MED12L: variants seen among roughly 807,000 people sequenced by gnomAD.
The protein encoded by MED12L is mediator of RNA polymerase II transcription subunit 12-like protein.
Under a neutral mutation model 281.3 loss-of-function variants are expected in MED12L, and 60 were observed. That is an observed-to-expected ratio of 0.21 (90% CI 0.17 to 0.26). The LOEUF is 0.26. Among genes scored for constraint, MED12L ranks in the 10% least tolerant of loss-of-function variants. The pLI is 1.00. For synonymous variants in MED12L, 974 were observed against 987.2 expected (o/e 0.99, Z 0.25); for missense variants, 2,146 against 2,680.9 (o/e 0.80, Z 4.41).
intron 16 of MED12L, among the ~76,000 whole-genome samples, chr3:151,284,420 G>A (rs1446645908): frequency 2.0e-5 from 3 of 152,058 alleles, no homozygotes; most frequent in Non-Finnish European, 2.9e-5. Flanking sequence ...GGTTATCTTG[G>A]TAATTTAATT....
At chr3:151,261,999 T>G (rs1022662098) in intron 16 of MED12L, among the ~76,000 whole-genome samples, 1 of 152,196 alleles carries the variant, frequency 6.6e-6, no homozygotes, top group Admixed American at 6.5e-5. Context: ...TGTGCTAAGA[T>G]TACAGGTATG....
intron 36 of MED12L, among the ~76,000 whole-genome samples, chr3:151,387,518 T>C (rs1017573670): frequency 2.0e-5 from 3 of 152,168 alleles, no homozygotes; most frequent in African/African-American, 7.2e-5. Context: ...ATTTTTAGAA[T>C]TTTTTTAGCA....
chr3:151,338,080 G>A (rs1392419754), intron 16 of MED12L: 3 of 1,613,774 alleles, frequency 1.9e-6, no homozygotes, highest in East Asian at 2.2e-5. Flanking sequence ...TAAGGAATTC[G>A]GGCAAAATGG....
intron 16 of MED12L, among the ~76,000 whole-genome samples, chr3:151,331,449 A>G (rs1750342956): frequency 6.6e-6 from 1 of 152,226 alleles, no homozygotes; most frequent in Non-Finnish European, 1.5e-5. Flanking sequence ...CAATAAAAAT[A>G]AATAATAGTA....
At chr3:151,251,069 C>T (rs1736756389) in intron 16 of MED12L, among the ~76,000 whole-genome samples, 2 of 152,180 alleles carry the variant, frequency 1.3e-5, no homozygotes, top group African/African-American at 2.4e-5. Flanking sequence ...TGACACTGTT[C>T]CCTCCATGAT....
Position 151,380,194 on chromosome 3 carries a change from C to T in MED12L, c.4560C>T (p.Leu1520=). 1.2e-6 allele frequency: 2 copies of T among 1,608,564 alleles called. No individual in the cohort carries two copies. Among genetic ancestry groups the T allele is most frequent in the Non-Finnish European group, 1.7e-6 (2 of 1,177,566 alleles). The stretch of plus-strand genomic sequence containing the variant: ...GACAAGATGAACAAAGGGAAGGCCT[C>T]CTAACATCTCTCCAGAATCAAGTTA... ...LKGQDEQREG[L]LTSLQNQVNQ... is the part of the protein sequence containing the mutation. The change falls in exon 32 of 45, where the codon CTC becomes CTT. Residue 1520 remains leucine (L), a synonymous_variant. Transcript: ENST00000687756.
intron 4 of MED12L, among the ~76,000 whole-genome samples, chr3:151,124,594 T>C (rs1285719819): frequency 6.6e-6 from 1 of 152,232 alleles, no homozygotes; most frequent in East Asian, 1.9e-4. Context: ...TTGGTATTCA[T>C]CTGTGCGATG....
intron 7 of MED12L, among the ~76,000 whole-genome samples, chr3:151,159,561 G>T (rs1443378214): frequency 6.6e-6 from 1 of 152,138 alleles, no homozygotes; most frequent in Non-Finnish European, 1.5e-5. Flanking sequence ...TACTTTTTAT[G>T]TTGATTACCT....
intron 37 of MED12L, among the ~76,000 whole-genome samples, chr3:151,388,797 T>A (rs1184519901): frequency 6.6e-6 from 1 of 152,248 alleles, no homozygotes; most frequent in Non-Finnish European, 1.5e-5. Flanking sequence ...ACAACAGAAA[T>A]CTATTTGATG....
chr3:151,246,403 G>A (rs1034834215), intron 16 of MED12L, among the ~76,000 whole-genome samples: 12 of 151,858 alleles, frequency 7.9e-5, no homozygotes, highest in African/African-American at 2.4e-4. Context: ...AAACAGCATG[G>A]TACTGGTACC....
At chr3:151,254,011 TGTTAA>T (rs1737336311) in intron 16 of MED12L, among the ~76,000 whole-genome samples, 1 of 151,264 alleles carries the variant, frequency 6.6e-6, no homozygotes, top group Admixed American at 6.6e-5. Flanking sequence ...TTTTTTTTTT[TGTTAA>T]TTTAAACTTT....
chr3:151,234,861 G>A (rs887737093), intron 16 of MED12L, among the ~76,000 whole-genome samples: 7 of 152,220 alleles, frequency 4.6e-5, no homozygotes, highest in Admixed American at 2.6e-4. Flanking sequence ...CTCCTGGTGG[G>A]TAGCAGAAGC....
rs538935284 is a variant in MED12L at position 151,221,137 on chromosome 3, C to T, written c.2250+27471C>T. The stretch of plus-strand genomic sequence containing the variant: ...GCATTTTGCCCCTACCCTAGAGATT[C>T]GTGGAACTTTGAACTTGAGGGAGAT... On this transcript the variant is annotated intron_variant, in intron 16 of 44. Coordinates refer to ENST00000687756, the MANE Select transcript of MED12L (RefSeq NM_001393769.1). Among the ~76,000 whole-genome samples the T allele has an allele frequency of 2.6e-5, 4 of 152,182 alleles. No individual in the cohort carries two copies. In the South Asian group the frequency reaches 6.2e-4, roughly 24 times the overall value.
At chr3:151,188,031 G>A (rs1175999686) in intron 12 of MED12L, 1 of 166,604 alleles carries the variant, frequency 6.0e-6, no homozygotes, top group Non-Finnish European at 1.3e-5. Flanking sequence ...GTTTTTCAGG[G>A]GTGTTTTTGA....
At chr3:151,091,375 G>A (rs982861356) in intron 2 of MED12L, among the ~76,000 whole-genome samples, 1 of 152,140 alleles carries the variant, frequency 6.6e-6, no homozygotes, top group African/African-American at 2.4e-5. Context: ...CAGATTGCTG[G>A]GTCTCTAAGA....
At chr3:151,315,708 T>G (rs752398076) in intron 16 of MED12L, among the ~76,000 whole-genome samples, 11 of 152,156 alleles carry the variant, frequency 7.2e-5, no homozygotes, top group Non-Finnish European at 1.3e-4. Flanking sequence ...TTCCCCCCAG[T>G]ATAAAGTAAT....
intron 16 of MED12L, among the ~76,000 whole-genome samples, chr3:151,235,409 C>G (rs1732532720): frequency 6.6e-6 from 1 of 152,050 alleles, no homozygotes; most frequent in African/African-American, 2.4e-5. Flanking sequence ...CTGAAAAGAT[C>G]TAAAAGCAAC....
intron 5 of MED12L, among the ~76,000 whole-genome samples, chr3:151,144,757 A>G (rs1047765661): frequency 6.6e-6 from 1 of 151,974 alleles, no homozygotes; most frequent in African/African-American, 2.4e-5. Flanking sequence ...CTCTCTCTTC[A>G]GTCTTCCTTC....
chr3:151,147,212 C>T (rs1443145499), intron 5 of MED12L, among the ~76,000 whole-genome samples: 1 of 152,196 alleles, frequency 6.6e-6, no homozygotes, highest in Non-Finnish European at 1.5e-5. Flanking sequence ...CTCCCCCCAC[C>T]TGTGAAATTA....
Sources: allele counts gnomAD v4.1 joint callset (sites outside exome capture counted in the v4.1 genomes callset), GRCh38; gene constraint gnomAD v4.1.1; transcripts MANE v1.5; gene names NCBI Gene and HGNC (gene_info 2026-07-23, HGNC 2026-07-21).